Variants in HPSE2 observed in about 807,000 individuals in gnomAD.
HPSE2 encodes the protein inactive heparanase-2.
HPSE2 carries 38 observed loss-of-function variants against 60.5 expected under a neutral mutation model. The observed-to-expected ratio is 0.63, with a 90% CI of 0.48 to 0.82. The LOEUF (loss-of-function observed/expected upper bound fraction) is 0.82, where lower values mean the gene tolerates loss of function less well. Among genes scored for constraint, HPSE2 ranks in the 40% least tolerant of loss-of-function variants. The pLI, the probability that HPSE2 is intolerant of heterozygous loss-of-function variation, is 0.00. For synonymous variants in HPSE2, 295 were observed against 293.2 expected (o/e 1.01, Z -0.06); for missense variants, 713 against 740.4 (o/e 0.96, Z 0.43).
intron 3 of HPSE2, among the ~76,000 whole-genome samples, chr10:99,047,242 A>G (rs1254221811): frequency 6.6e-6 from 1 of 152,232 alleles, no homozygotes; most frequent in African/African-American, 2.4e-5. Context: ...TATTTGATTA[A>G]TGGTGCTGGG....
At chr10:99,146,527 G>A (rs958080875) in intron 2 of HPSE2, among the ~76,000 whole-genome samples, 12 of 152,282 alleles carry the variant, frequency 7.9e-5, no homozygotes, top group Admixed American at 3.9e-4. Context: ...TAGACATGAA[G>A]CCCAGAGTTC....
At chr10:98,819,517 A>G (rs548713985) in intron 3 of HPSE2, among the ~76,000 whole-genome samples, 1 of 150,254 alleles carries the variant, frequency 6.7e-6, no homozygotes, top group South Asian at 2.1e-4. Flanking sequence ...ACCTTTTCCC[A>G]TAAGGGTAAG....
rs185800372 is a variant in HPSE2, at chr10:98,915,017, C to A, written c.611-170961G>T. Among the ~76,000 whole-genome samples the A allele has an allele frequency of 7.6e-3, 1,152 of 151,450 alleles. 8 individuals are homozygous for A. The highest frequency in any genetic ancestry group is 0.024 in the African/African-American group (1,003 of 41,342). On this transcript the variant is annotated intron_variant, in intron 3 of 11. Coordinates refer to ENST00000370552, the MANE Select transcript of HPSE2 (RefSeq NM_021828.5). ...AAGTCATATGCACTGAAAAAAAAAA[C>A]CACTGGAAGGAAATATGCCAAATCA...
At chr10:98,517,777 C>T (rs1942650494) in intron 9 of HPSE2, among the ~76,000 whole-genome samples, 1 of 152,128 alleles carries the variant, frequency 6.6e-6, no homozygotes, top group Admixed American at 6.5e-5. Context: ...CCAGTGAAAA[C>T]TTTTATTTAC....
chr10:98,913,786 T>C (rs1954044343), intron 3 of HPSE2, among the ~76,000 whole-genome samples: 1 of 152,070 alleles, frequency 6.6e-6, no homozygotes, highest in South Asian at 2.1e-4. Flanking sequence ...GCTGTAGAGC[T>C]TCAAAAAATT....
intron 3 of HPSE2, among the ~76,000 whole-genome samples, chr10:98,952,737 C>G (rs911680677): frequency 3.9e-5 from 6 of 152,124 alleles, no homozygotes; most frequent in African/African-American, 1.4e-4. Context: ...GGTGAGGGCT[C>G]TTTTCCTGAT....
intron 6 of HPSE2, among the ~76,000 whole-genome samples, chr10:98,666,691 G>A (rs760324565): frequency 8.4e-4 from 127 of 152,046 alleles, no homozygotes; most frequent in Non-Finnish European, 1.3e-3. Flanking sequence ...ACTCTTGAGC[G>A]AACAATGAAA....
intron 3 of HPSE2, among the ~76,000 whole-genome samples, chr10:98,801,534 T>C (rs936811721): frequency 6.6e-6 from 1 of 152,094 alleles, no homozygotes; most frequent in Non-Finnish European, 1.5e-5. Context: ...AAAAAACCAG[T>C]AGTATTTCTA....
chr10:98,722,990 T>A (rs1477048609), intron 4 of HPSE2, among the ~76,000 whole-genome samples: 1 of 152,174 alleles, frequency 6.6e-6, no homozygotes, highest in East Asian at 1.9e-4. Flanking sequence ...GGCCAGAACT[T>A]CTAACACTAT....
intron 3 of HPSE2, among the ~76,000 whole-genome samples, chr10:99,019,172 T>A (rs975388485): frequency 1.6e-4 from 24 of 152,166 alleles, no homozygotes; most frequent in African/African-American, 5.8e-4. Flanking sequence ...ATATCACTAA[T>A]CAATGTAAGG....
At chr10:98,547,660 T>C (rs1310690629) in intron 9 of HPSE2, among the ~76,000 whole-genome samples, 1 of 65,064 alleles carries the variant, frequency 1.5e-5, no homozygotes, top group Non-Finnish European at 2.8e-5. Context: ...TGTTGTGGGG[T>C]GGGGGGAGGG....
intron 10 of HPSE2, among the ~76,000 whole-genome samples, chr10:98,486,530 G>T (rs1317191607): frequency 1.3e-5 from 2 of 152,088 alleles, no homozygotes; most frequent in Non-Finnish European, 2.9e-5. Context: ...TGTTGCCATG[G>T]GAGGAGGCGG....
chr10:99,015,350 T>C (rs1957114188), intron 3 of HPSE2, among the ~76,000 whole-genome samples: 1 of 152,206 alleles, frequency 6.6e-6, no homozygotes, highest in African/African-American at 2.4e-5. Context: ...ATCATGCTGC[T>C]ATAAAGACAC....
chr10:98,871,094 G>T (rs904430197), intron 3 of HPSE2, among the ~76,000 whole-genome samples: 6 of 151,996 alleles, frequency 3.9e-5, no homozygotes, highest in Admixed American at 2.6e-4. Flanking sequence ...TTCTTGTACA[G>T]CCTGCAGAAC....
chr10:98,832,181 A>G (rs1176077056), intron 3 of HPSE2, among the ~76,000 whole-genome samples: 1 of 151,920 alleles, frequency 6.6e-6, no homozygotes, highest in Non-Finnish European at 1.5e-5. Flanking sequence ...TCCAATTGAT[A>G]TAATGCTTTG....
chr10:98,804,905 A>G (rs548966883), intron 3 of HPSE2, among the ~76,000 whole-genome samples: 55 of 152,276 alleles, frequency 3.6e-4, no homozygotes, highest in African/African-American at 1.3e-3. Flanking sequence ...ATATAAATAA[A>G]TAAATAAAAT....
chr10:99,112,639 G>A (rs1465120476), intron 3 of HPSE2, among the ~76,000 whole-genome samples: 3 of 152,042 alleles, frequency 2.0e-5, no homozygotes, highest in South Asian at 2.1e-4. Context: ...TGCTGGCTAA[G>A]TACAATTTAT....
At chr10:99,094,536 ATATATTTTTTTTTTTTTTT>A (rs1350257663) in intron 3 of HPSE2, among the ~76,000 whole-genome samples, 2 of 20,476 alleles carry the variant, frequency 9.8e-5, no homozygotes, top group Non-Finnish European at 2.0e-4. Flanking sequence ...ATATATATAT[ATATATTTTTTTTTTTTTTT>A]TTTTTTTTTT....
chr10:98,809,321 G>A (rs992407289), intron 3 of HPSE2, among the ~76,000 whole-genome samples: 3 of 151,758 alleles, frequency 2.0e-5, no homozygotes, highest in African/African-American at 7.3e-5. Context: ...CTACTTTTTT[G>A]CATATGTTTA....
Sources: allele counts gnomAD v4.1 joint callset (sites outside exome capture counted in the v4.1 genomes callset), GRCh38; gene constraint gnomAD v4.1.1; transcripts MANE v1.5; gene names NCBI Gene and HGNC (gene_info 2026-07-23, HGNC 2026-07-21).